Variants in UNC5D observed in about 807,000 individuals in gnomAD.
The protein encoded by UNC5D is unc-5 netrin receptor D.
Under a neutral mutation model 105.4 loss-of-function variants are expected in UNC5D, and 39 were observed. The ratio of observed to expected loss-of-function variants is 0.37; its 90% CI spans 0.29 to 0.48. UNC5D has a LOEUF of 0.48. Among genes scored for constraint, UNC5D ranks in the 20% least tolerant of loss-of-function variants. The pLI is 0.98. For missense variants in UNC5D, 991 were observed against 1,202.4 expected, an observed-to-expected ratio of 0.82 and a Z score of 2.60; for synonymous variants, 452 against 450.4, an observed-to-expected ratio of 1.00 and a Z score of -0.04.
intron 4 of UNC5D, among the ~76,000 whole-genome samples, chr8:35,671,401 G>C (rs1824794823): frequency 6.6e-6 from 1 of 152,048 alleles, no homozygotes; most frequent in Non-Finnish European, 1.5e-5. Flanking sequence ...ATTTATAATG[G>C]GAAGCCAAAT....
At chr8:35,692,669 A>C (rs777870665) in intron 7 of UNC5D, among the ~76,000 whole-genome samples, 1 of 152,194 alleles carries the variant, frequency 6.6e-6, no homozygotes, top group Non-Finnish European at 1.5e-5. Flanking sequence ...AACCAGCCAC[A>C]CTGCACAATT....
In UNC5D at chr8:35,640,163, G is replaced by A. The variant is rs1467355695; in HGVS notation, c.571-43384G>A. ...AAAAAGAGTGATTTCTGCTAATTGCGAAACCCCAGTTTCTGCTTACACTTT... is the reference window on the plus strand; with the variant it reads ...AAAAAGAGTGATTTCTGCTAATTGCAAAACCCCAGTTTCTGCTTACACTTT... On this transcript the variant is annotated intron_variant, in intron 4 of 16. Coordinates refer to ENST00000404895, the MANE Select transcript of UNC5D (RefSeq NM_080872.4). Among the ~76,000 whole-genome samples, 8 of 151,872 alleles carry A rather than the reference G, an allele frequency of 5.3e-5. No homozygotes were observed. In the East Asian group the frequency reaches 5.8e-4, roughly 11 times the overall value.
chr8:35,283,274 C>G (rs1008185451), intron 1 of UNC5D, among the ~76,000 whole-genome samples: 1 of 152,072 alleles, frequency 6.6e-6, no homozygotes, highest in Non-Finnish European at 1.5e-5. Flanking sequence ...CATACAAATA[C>G]AAGAGTTGAT....
chr8:35,540,442 G>GGGGT (rs1815188942), intron 1 of UNC5D, among the ~76,000 whole-genome samples: 1 of 130,898 alleles, frequency 7.6e-6, no homozygotes, highest in Admixed American at 7.1e-5. Flanking sequence ...ACAAAGCAGA[G>GGGGT]GGGTGTGTGT....
At chr8:35,247,356 G>A (rs1196079746) in intron 1 of UNC5D, among the ~76,000 whole-genome samples, 1 of 148,282 alleles carries the variant, frequency 6.7e-6, no homozygotes, top group African/African-American at 2.5e-5. Flanking sequence ...AAATAATATT[G>A]TAAAAAAGGT....
At chr8:35,515,997 G>A (rs371722990) in intron 1 of UNC5D, among the ~76,000 whole-genome samples, 17 of 152,036 alleles carry the variant, frequency 1.1e-4, no homozygotes, top group South Asian at 6.2e-4. Context: ...GTTCAAGCCC[G>A]TCAAACTGAA....
At chr8:35,508,183 C>T (rs1187809854) in intron 1 of UNC5D, among the ~76,000 whole-genome samples, 2 of 152,134 alleles carry the variant, frequency 1.3e-5, no homozygotes, top group Non-Finnish European at 2.9e-5. Flanking sequence ...CCAAAAGCTC[C>T]CTCTAGGAAC....
chr8:35,294,242 G>T (rs751133234), intron 1 of UNC5D, among the ~76,000 whole-genome samples: 6 of 152,162 alleles, frequency 3.9e-5, no homozygotes, highest in Non-Finnish European at 8.8e-5. Context: ...CCTGCCTTAA[G>T]TCCTGGTAAT....
intron 1 of UNC5D, among the ~76,000 whole-genome samples, chr8:35,451,945 T>A (rs1359732188): frequency 6.6e-6 from 1 of 152,208 alleles, no homozygotes; most frequent in Non-Finnish European, 1.5e-5. Context: ...TAACACTTCC[T>A]CTGAAGTCCC....
rs775965005 is a variant in UNC5D, at chr8:35,307,972, G to A, written c.103+72085G>A. ...ATTGAGGGTATGCACTCAGGCCTGT[G>A]ATAATCGACTTCTCATTTGCTATAG... On this transcript the variant is annotated intron_variant, in intron 1 of 16. Coordinates refer to ENST00000404895, the MANE Select transcript of UNC5D (RefSeq NM_080872.4). Among the ~76,000 whole-genome samples the A allele has an allele frequency of 1.6e-3, 247 of 152,204 alleles. 2 individuals carry two copies. Among genetic ancestry groups the A allele is most frequent in the Non-Finnish European group, 2.9e-3 (197 of 68,008 alleles).
chr8:35,560,809 T>C (rs1816901894), intron 2 of UNC5D, among the ~76,000 whole-genome samples: 1 of 152,206 alleles, frequency 6.6e-6, no homozygotes, highest in Non-Finnish European at 1.5e-5. Flanking sequence ...TTGTTTTATA[T>C]GCACTTTGCT....
chr8:35,766,407 T>G (rs753027837), intron 14 of UNC5D, among the ~76,000 whole-genome samples: 20 of 152,178 alleles, frequency 1.3e-4, no homozygotes, highest in Non-Finnish European at 1.9e-4. Flanking sequence ...TTGGATACAT[T>G]AGCAATATTG....
chr8:35,508,268 T>A (rs904734249), intron 1 of UNC5D, among the ~76,000 whole-genome samples: 1 of 152,020 alleles, frequency 6.6e-6, no homozygotes, highest in Admixed American at 6.5e-5. Context: ...CCTTGGGGAG[T>A]CTTTTGTTTG....
chr8:35,367,214 G>T (rs1305548006), intron 1 of UNC5D, among the ~76,000 whole-genome samples: 1 of 152,134 alleles, frequency 6.6e-6, no homozygotes, highest in East Asian at 1.9e-4. Context: ...TAGAACTAGT[G>T]CATGTTGCTT....
intron 1 of UNC5D, among the ~76,000 whole-genome samples, chr8:35,408,125 A>G (rs1399112906): frequency 6.6e-6 from 1 of 152,116 alleles, no homozygotes; most frequent in East Asian, 1.9e-4. Context: ...TCAATTTCAG[A>G]TAGGCACTTT....
At chr8:35,267,998 A>AAAT (rs1805009154) in intron 1 of UNC5D, among the ~76,000 whole-genome samples, 1 of 152,188 alleles carries the variant, frequency 6.6e-6, no homozygotes, top group South Asian at 2.1e-4. Context: ...TGATTCTAAA[A>AAAT]AATAAACTTA....
chr8:35,477,083 G>A (rs911384304), intron 1 of UNC5D, among the ~76,000 whole-genome samples: 1 of 152,084 alleles, frequency 6.6e-6, no homozygotes, highest in Non-Finnish European at 1.5e-5. Context: ...TATCTGATGT[G>A]CTGTACTTGA....
chr8:35,246,268 T>C (rs1803090668), intron 1 of UNC5D, among the ~76,000 whole-genome samples: 1 of 152,174 alleles, frequency 6.6e-6, no homozygotes, highest in Admixed American at 6.6e-5. Context: ...CTTGGCATTT[T>C]AAATATGCAT....
At chr8:35,747,787 C>A (rs1457047428) in intron 11 of UNC5D, among the ~76,000 whole-genome samples, 1 of 152,136 alleles carries the variant, frequency 6.6e-6, no homozygotes, top group Non-Finnish European at 1.5e-5. Flanking sequence ...CTTTCACTTT[C>A]TTTTATCTGT....
Sources: gnomAD v4.1 joint callset for allele counts (sites outside exome capture counted in the v4.1 genomes callset) on GRCh38, gnomAD v4.1.1 for gene constraint, MANE v1.5 for transcripts, NCBI Gene and HGNC (gene_info 2026-07-23, HGNC 2026-07-21) for gene names.